ZBTB25: variants seen among roughly 807,000 people sequenced by gnomAD.
ZBTB25 encodes zinc finger and BTB domain-containing protein 25.
Under a neutral mutation model 34.2 loss-of-function variants are expected in ZBTB25, and 20 were observed. The ratio of observed to expected loss-of-function variants is 0.58; its 90% CI spans 0.41 to 0.85. The LOEUF is 0.85. ZBTB25 is among the 40% of genes least tolerant of loss of function. ZBTB25 has a pLI of 0.00. For missense variants in ZBTB25, 437 were observed against 521.8 expected, an observed-to-expected ratio of 0.84 and a Z score of 1.58; for synonymous variants, 175 against 186.4, an observed-to-expected ratio of 0.94 and a Z score of 0.50.
rs1165911876 is a variant in ZBTB25, at chr14:64,468,913, A to C, written c.174-19275T>G. The C allele has an allele frequency of 4.3e-6, 7 of 1,614,198 alleles. No individual in the cohort carries two copies. In the South Asian group the frequency reaches 6.6e-5, roughly 15 times the overall value. On this transcript the variant is annotated intron_variant, in intron 2 of 2. Coordinates refer to the ZBTB25 transcript ENST00000555220. ...CACAGACCCCATTGAATGATCAGGC[A>C]ACAAAGGCTAAGTCAACCCAGGATC... is the stretch of plus-strand genomic sequence containing the variant.
intron 1 of ZBTB25, among the ~76,000 whole-genome samples, chr14:64,496,919 A>G (rs1255576205): frequency 6.6e-6 from 1 of 152,212 alleles, no homozygotes; most frequent in Non-Finnish European, 1.5e-5. Flanking sequence ...AGCAGGTACT[A>G]TCAGCTCTAT....
intron 2 of ZBTB25, chr14:64,468,777 C>A: frequency 6.2e-7 from 1 of 1,614,138 alleles, no homozygotes; most frequent in East Asian, 2.2e-5. Flanking sequence ...CTTAAGATTC[C>A]CTGCATAAAA....
At chr14:64,468,468 C>A (rs750629109) in intron 2 of ZBTB25, 6 of 1,613,922 alleles carry the variant, frequency 3.7e-6, no homozygotes, top group African/African-American at 1.3e-5. Context: ...AGTCCTGGGG[C>A]TGAAAGGCAG....
intron 2 of ZBTB25, chr14:64,461,092 C>G (rs1309613191): frequency 1.3e-5 from 2 of 152,018 alleles, no homozygotes; most frequent in Non-Finnish European, 2.9e-5. Context: ...TCTTCCTCTC[C>G]CATTTGTTTC....
intron 2 of ZBTB25, chr14:64,471,252 A>AAG: frequency 2.6e-5 from 4 of 153,552 alleles, no homozygotes; most frequent in Non-Finnish European, 5.9e-5. Flanking sequence ...TCCTGGGTTC[A>AAG]CACCATTCTT....
At position 64,486,982 on chromosome 14, in the gene ZBTB25, G is replaced by C. The variant is rs2078882569; in HGVS notation, c.1249C>G (p.Pro417Ala). 1.9e-6 allele frequency: 3 copies of C among 1,614,154 alleles called. No homozygotes were observed. Among genetic ancestry groups the C allele is most frequent in the Non-Finnish European group, 2.5e-6 (3 of 1,180,032 alleles). ...SRLSQEHLDLPCALESELTQE... is the reference protein window; with the variant it reads ...SRLSQEHLDLACALESELTQE... ...GTGAGCTCTGACTCTAAGGCACAAGGCAAGTCTAAGTGTTCTTGTGACAAG... is the reference window on the plus strand; with the variant it reads ...GTGAGCTCTGACTCTAAGGCACAAGCCAAGTCTAAGTGTTCTTGTGACAAG... The change falls in exon 3 of 3, where the codon CCT (proline) becomes GCT (alanine). Residue 417 changes from proline (P) to alanine (A), a missense_variant. Physicochemically the swap from Pro to Ala is conservative, Grantham distance 27. Transcript: ENST00000608382.
At chr14:64,504,435 C>A (rs1274863953), upstream of ZBTB25, 1 of 153,720 alleles carries the variant, frequency 6.5e-6, no homozygotes, top group East Asian at 1.9e-4. Flanking sequence ...TCGGGAGGAG[C>A]CCAGTTCCAT....
At chr14:64,502,730 C>A in intron 1 of ZBTB25, 2 of 985,108 alleles carry the variant, frequency 2.0e-6, no homozygotes, top group Middle Eastern at 5.2e-4. Context: ...GTGCAATCAC[C>A]AAGGTGTCTG....
chr14:64,502,953 G>A (rs758290608), intron 1 of ZBTB25: 14 of 985,382 alleles, frequency 1.4e-5, no homozygotes, highest in Non-Finnish European at 1.6e-5. Context: ...TGAGTCTCAA[G>A]AGAAAGAATG....
In ZBTB25 at chr14:64,468,187, TAA is replaced by T. The variant is rs550081294; in HGVS notation, c.174-18551_174-18550del. ...CAAAGAAGGGCTTTCATCAAGAAAT[TAA>T]AGAGAGAAATTACAAGCCATAGAGA... is the stretch of plus-strand genomic sequence containing the variant. On this transcript the variant is annotated intron_variant, in intron 2 of 2. Transcript: ENST00000555220. 7 of 366,286 alleles carry T rather than the reference TAA, an allele frequency of 1.9e-5. No individual in the cohort carries two copies. In the South Asian group the frequency reaches 4.9e-4, roughly 25 times the overall value. The allele number at this position is 366,286 out of a possible 1,614,324, so 22.7% of individuals were successfully genotyped here. A position where few individuals can be genotyped will look rare whatever the true frequency, so the allele number is the denominator to read the frequency against.
rs1165331206 is a variant in ZBTB25, at chr14:64,485,211, T to C, written c.*1712A>G. The stretch of plus-strand genomic sequence containing the variant: ...CTGGATTACTCTTTGAGCTCCCTCC[T>C]GATTGGACGCTGATGCTGTTGAATG... On this transcript the variant is annotated 3_prime_UTR_variant, in exon 3 of 3. Transcript: ENST00000608382. The C allele has an allele frequency of 1.0e-6, 1 of 985,354 alleles. No individual in the cohort carries two copies. Among genetic ancestry groups the C allele is most frequent in the Admixed American group, 6.1e-5 (1 of 16,272 alleles). 61.0% of individuals were successfully genotyped at this position (985,354 alleles called of 1,614,324 possible).
chr14:64,502,918 G>A, intron 1 of ZBTB25: 3 of 985,472 alleles, frequency 3.0e-6, no homozygotes, highest in Non-Finnish European at 3.6e-6. Context: ...AATCTTGTGA[G>A]AGGATCAACA....
intron 1 of ZBTB25, chr14:64,502,745 C>T (rs2079537696): frequency 1.0e-6 from 1 of 983,252 alleles, no homozygotes; most frequent in African/African-American, 1.7e-5. Flanking sequence ...TGTCTGGAGC[C>T]TTGGAGTCTT....
At chr14:64,499,192 T>C (rs1418043529) in intron 1 of ZBTB25, among the ~76,000 whole-genome samples, 1 of 152,232 alleles carries the variant, frequency 6.6e-6, no homozygotes, top group African/African-American at 2.4e-5. Flanking sequence ...GTTCAAAGTA[T>C]GGAAATTATG....
chr14:64,449,994 C>T (rs893388506), intron 2 of ZBTB25, among the ~76,000 whole-genome samples: 18 of 152,242 alleles, frequency 1.2e-4, no homozygotes, highest in African/African-American at 4.3e-4. Flanking sequence ...GTTTCACCAT[C>T]TTGGCCAGGC....
intron 2 of ZBTB25, chr14:64,465,391 T>TC (rs2078600570): frequency 6.6e-6 from 1 of 151,650 alleles, no homozygotes; most frequent in Non-Finnish European, 1.5e-5. Context: ...GCCCCGCGCC[T>TC]CCGGCGGTCG....
intron 1 of ZBTB25, 147 bp downstream of exon 1, chr14:64,503,514 C>T (rs1355494379): frequency 1.0e-6 from 1 of 985,846 alleles, no homozygotes; most frequent in Non-Finnish European, 1.2e-6. Context: ...CCCTGCCTGA[C>T]ATCTCAATCG....
At position 64,479,274 on chromosome 14, in the gene ZBTB25, T is replaced by G. The variant is rs745809145; in HGVS notation, c.*7649A>C. On this transcript the variant is annotated 3_prime_UTR_variant, in exon 3 of 3. Transcript: ENST00000608382. The stretch of plus-strand genomic sequence containing the variant: ...ATGACATTTTGAGGTACATATTCTG[T>G]ATTGCGGGAGGCTGTCCTCTGCACT... The G allele has an allele frequency of 3.9e-5, 6 of 152,180 alleles. No individual in the cohort carries two copies. Among genetic ancestry groups the G allele is most frequent in the Non-Finnish European group, 7.3e-5 (5 of 68,042 alleles). The allele number at this position is 152,180 out of a possible 1,614,324, so 9.4% of individuals were successfully genotyped here.
intron 1 of ZBTB25, among the ~76,000 whole-genome samples, chr14:64,493,914 G>A (rs563042969): frequency 6.6e-6 from 1 of 152,182 alleles, no homozygotes; most frequent in Non-Finnish European, 1.5e-5. Context: ...GTGTCTACCA[G>A]GTATCTAAGT....
Sources: gnomAD v4.1 joint callset for allele counts (sites outside exome capture counted in the v4.1 genomes callset) on GRCh38, gnomAD v4.1.1 for gene constraint, MANE v1.5 for transcripts, NCBI Gene and HGNC (gene_info 2026-07-23, HGNC 2026-07-21) for gene names.